RARB: variants seen among roughly 807,000 people sequenced by gnomAD.
The protein encoded by RARB is HBV-activated protein.
In RARB, 17 loss-of-function variants were observed where a neutral mutation model predicts 51.9. The ratio of observed to expected loss-of-function variants is 0.33; its 90% confidence interval spans 0.22 to 0.49. The LOEUF (loss-of-function observed/expected upper bound fraction) is 0.49. Ranked by LOEUF, RARB falls within the 20% of genes least tolerant of loss-of-function variation. The pLI, the probability that RARB is intolerant of heterozygous loss-of-function variation, is 0.99. For synonymous variants in RARB, 215 were observed against 195.4 expected (o/e 1.10, Z -0.84); for missense variants, 369 against 550.8 (o/e 0.67, Z 3.30).
At chr3:25,082,878 T>C (rs1337536189) in intron 3 of RARB, among the ~76,000 whole-genome samples, 1 of 152,110 alleles carries the variant, frequency 6.6e-6, no homozygotes, top group South Asian at 2.1e-4. Flanking sequence ...TCTAAACTTT[T>C]GTTACTCTGA....
intron 5 of RARB, among the ~76,000 whole-genome samples, chr3:25,243,566 T>C (rs1305481000): frequency 6.6e-6 from 1 of 152,244 alleles, no homozygotes; most frequent in Non-Finnish European, 1.5e-5. Context: ...GTTGAGATAA[T>C]CATGTGAGTT....
At chr3:25,274,090 T>A (rs983483979) in intron 5 of RARB, among the ~76,000 whole-genome samples, 24 of 152,162 alleles carry the variant, frequency 1.6e-4, no homozygotes, top group Non-Finnish European at 3.5e-4. Flanking sequence ...CTGAGACATA[T>A]ATATAATTTA....
At chr3:25,021,107 T>C (rs1232959953) in intron 2 of RARB, among the ~76,000 whole-genome samples, 1 of 152,248 alleles carries the variant, frequency 6.6e-6, no homozygotes, top group African/African-American at 2.4e-5. Context: ...GTTCTCTTGA[T>C]GGTGAACGCT....
intron 2 of RARB, among the ~76,000 whole-genome samples, chr3:24,867,487 C>G (rs184846546): frequency 6.6e-6 from 1 of 152,086 alleles, no homozygotes; most frequent in African/African-American, 2.4e-5. Context: ...CAGCTTGGCA[C>G]CAAGCAGACT....
At chr3:25,038,362 A>G (rs550624091) in intron 2 of RARB, among the ~76,000 whole-genome samples, 2 of 145,104 alleles carry the variant, frequency 1.4e-5, no homozygotes, top group South Asian at 4.8e-4. Context: ...TGTCTAATGG[A>G]TAAACTGGGA....
intron 5 of RARB, among the ~76,000 whole-genome samples, chr3:25,216,481 A>G (rs949216043): frequency 4.6e-5 from 7 of 152,110 alleles, no homozygotes; most frequent in African/African-American, 1.4e-4. Flanking sequence ...AAACTAACAC[A>G]GGAACAGAAA....
At chr3:25,327,060 A>G (rs906875901) in intron 5 of RARB, among the ~76,000 whole-genome samples, 31 of 151,998 alleles carry the variant, frequency 2.0e-4, no homozygotes, top group Non-Finnish European at 1.0e-4. Context: ...TCATTGTTCA[A>G]TTCCCACCTA....
At position 25,325,163 on chromosome 3, in the gene RARB, C is replaced by T. The variant is rs149178515; in HGVS notation, c.179-136030C>T. On this transcript the variant is annotated intron_variant, in intron 5 of 11. Coordinates refer to the RARB transcript ENST00000383772. ...GCAGGCAATTCCCAGAACTGAGGATCCCTTCCCCTTTTAAACCATATAGTG... is the reference window on the plus strand; with the variant it reads ...GCAGGCAATTCCCAGAACTGAGGATTCCTTCCCCTTTTAAACCATATAGTG... Among the ~76,000 whole-genome samples, 1,304 of 152,260 alleles carry T rather than the reference C, an allele frequency of 8.6e-3. 16 individuals carry two copies. The highest frequency in any genetic ancestry group is 0.028 in the African/African-American group (1,173 of 41,556).
chr3:25,310,421 A>G (rs1308316830), intron 5 of RARB, among the ~76,000 whole-genome samples: 1 of 152,230 alleles, frequency 6.6e-6, no homozygotes, highest in Non-Finnish European at 1.5e-5. Context: ...GTATGTGAAA[A>G]GTACTCGGAG....
chr3:25,447,434 G>A (rs2125537424), intron 1 of RARB, among the ~76,000 whole-genome samples: 2 of 152,340 alleles, frequency 1.3e-5, no homozygotes, highest in Middle Eastern at 6.8e-3. Flanking sequence ...GTGGGCAGGA[G>A]ATAGTGTATT....
chr3:25,571,325 G>C (rs1193664272), intron 4 of RARB, among the ~76,000 whole-genome samples: 2 of 152,232 alleles, frequency 1.3e-5, no homozygotes, highest in African/African-American at 4.8e-5. Context: ...GCATGGCCTA[G>C]GGGCATTTCT....
intron 2 of RARB, among the ~76,000 whole-genome samples, chr3:25,019,971 G>T (rs561196252): frequency 1.6e-4 from 25 of 152,084 alleles, no homozygotes; most frequent in African/African-American, 5.8e-4. Flanking sequence ...TCATTCTTGT[G>T]CATTTATCTC....
chr3:25,219,746 AG>A (rs1701905824), intron 5 of RARB, among the ~76,000 whole-genome samples: 1 of 152,196 alleles, frequency 6.6e-6, no homozygotes, highest in Admixed American at 6.5e-5. Context: ...GGCTTCAGGA[AG>A]TCCCGTTAGA....
intron 2 of RARB, among the ~76,000 whole-genome samples, chr3:24,923,377 T>G (rs567666325): frequency 1.1e-4 from 17 of 152,318 alleles, no homozygotes; most frequent in Admixed American, 6.5e-4. Flanking sequence ...ACATTAATCA[T>G]GCTAAAAGAA....
At chr3:24,991,687 T>A (rs1370163052) in intron 2 of RARB, among the ~76,000 whole-genome samples, 1 of 152,020 alleles carries the variant, frequency 6.6e-6, no homozygotes, top group African/African-American at 2.4e-5. Flanking sequence ...TTGATAAAAG[T>A]TTTAAAAATG....
intron 2 of RARB, among the ~76,000 whole-genome samples, chr3:24,915,818 G>C (rs1695096123): frequency 6.6e-6 from 1 of 152,144 alleles, no homozygotes; most frequent in African/African-American, 2.4e-5. Context: ...TGACCATTAA[G>C]CTGTGAATGA....
At chr3:25,498,132 G>T (rs937265614) in intron 2 of RARB, among the ~76,000 whole-genome samples, 1 of 152,200 alleles carries the variant, frequency 6.6e-6, no homozygotes, top group Non-Finnish European at 1.5e-5. Context: ...AATATTGACA[G>T]TTGGTCTGGT....
At chr3:24,986,483 G>T (rs767722258) in intron 2 of RARB, among the ~76,000 whole-genome samples, 1 of 152,162 alleles carries the variant, frequency 6.6e-6, no homozygotes. Flanking sequence ...ATTAGTCTTA[G>T]CTGTTTGTTG....
intron 3 of RARB, among the ~76,000 whole-genome samples, chr3:25,528,853 G>A (rs1001927083): frequency 2.1e-4 from 30 of 143,706 alleles, no homozygotes; most frequent in African/African-American, 7.3e-4. Context: ...ATGAAGACTC[G>A]CCTCCCTAGG....
Sources: allele counts gnomAD v4.1 joint callset (sites outside exome capture counted in the v4.1 genomes callset), GRCh38; gene constraint gnomAD v4.1.1; transcripts MANE v1.5; gene names NCBI Gene and HGNC (gene_info 2026-07-23, HGNC 2026-07-21).